Variants in AGXT observed in about 807,000 individuals in gnomAD.
The protein encoded by AGXT is L-alanine: glyoxylate aminotransferase 1.
In AGXT, 41 loss-of-function variants were observed where a neutral mutation model predicts 46.9. The ratio of observed to expected loss-of-function variants is 0.88; its 90% CI spans 0.68 to 1.14. The LOEUF is 1.14. Among genes scored for constraint, AGXT ranks in the 50% most tolerant of loss-of-function variants. The pLI is 0.00. For synonymous variants in AGXT, 244 were observed against 227.9 expected (o/e 1.07, Z -0.64); for missense variants, 525 against 522.7 (o/e 1.00, Z -0.04).
Position 240,871,929 on chromosome 2 carries a change from G to C in AGXT, c.524+480G>C, listed in dbSNP as rs577569967. On this transcript the variant is annotated intron_variant, in intron 4 of 10. Coordinates refer to ENST00000307503, the MANE Select transcript of AGXT (RefSeq NM_000030.3). ...ACCCAGCAGTCCCGTCTGCAGGTCT[G>C]AGCACAGGACAGAGGAGAGAAACTC... Among the ~76,000 whole-genome samples the C allele has an allele frequency of 2.6e-5, 4 of 152,362 alleles. No homozygotes were observed. The East Asian group carries it at 7.7e-4, about 29-fold the overall frequency.
chr2:240,874,172 T>A, intron 6 of AGXT, 110 bp downstream of exon 6: 1 of 1,077,994 alleles, frequency 9.3e-7, no homozygotes, highest in Non-Finnish European at 1.4e-6. Context: ...CCCATGCTCC[T>A]CCAGCACCTG....
chr2:240,869,204 T>A lies in AGXT; in HGVS notation c.200T>A (p.Val67Glu). 1 of 1,613,770 alleles carries A rather than the reference T, an allele frequency of 6.2e-7. No homozygotes were observed. The highest frequency in any genetic ancestry group is 1.1e-5 in the South Asian group (1 of 91,076). Residue 67 changes from valine to glutamate, a missense_variant, in exon 2 of 11, where the codon GTG becomes GAG. Coordinates refer to ENST00000307503, the MANE Select transcript of AGXT (RefSeq NM_000030.3). ...MDEIKEGIQY[V>E]FQTRNPLTLV... ...GAGATCAAGGAAGGCATCCAGTACG[T>A]GTTCCAGACCAGGAACCCACTCACA... is the stretch of plus-strand genomic sequence containing the variant.
rs180177165 is a variant in AGXT, at chr2:240,878,793, T to C, written c.1151T>C (p.Leu384Pro). The C allele has an allele frequency of 3.8e-6, 6 of 1,594,468 alleles. No homozygotes were observed. The highest frequency in any genetic ancestry group is 1.3e-5 in the African/African-American group (1 of 74,776). The change falls in exon 11 of 11, where the codon CTG becomes CCG. Residue 384 changes from leucine to proline, a missense_variant. By Grantham distance (98) the Leu-to-Pro change is moderately conservative (BLOSUM62 -3). Transcript: ENST00000307503. ...DRVTEALRAA[L>P]QHCPKKKL is the part of the protein sequence containing the mutation. ...GTGACGGAGGCCCTGAGGGCGGCCCTGCAGCACTGCCCCAAGAAGAAGCTG... is the reference window on the plus strand; with the variant it reads ...GTGACGGAGGCCCTGAGGGCGGCCCCGCAGCACTGCCCCAAGAAGAAGCTG...
rs180177160 is a variant in AGXT, at chr2:240,878,718, T to G, written c.1076T>G (p.Leu359Arg). 1 of 1,557,522 alleles carries G rather than the reference T, an allele frequency of 6.4e-7. No individual in the cohort carries two copies. The highest frequency in any genetic ancestry group is 8.7e-7 in the Non-Finnish European group (1 of 1,154,898). The part of the protein sequence containing the change: ...GGLGPSTGKV[L>R]RIGLLGCNAT... ...AGCCCGCCCTGTGCCCCCCAGGTGC[T>G]GCGGATCGGCCTGCTGGGCTGCAAT... The change falls in exon 11 of 11, where the codon CTG (leucine) becomes CGG (arginine). Residue 359 changes from leucine to arginine, a missense_variant. Leu to Arg is a moderately radical substitution (Grantham distance 102). Transcript: ENST00000307503.
chr2:240,878,960 A>G lies in AGXT; in HGVS notation c.*139A>G. On this transcript the variant is annotated 3_prime_UTR_variant, in exon 11 of 11. Transcript: ENST00000307503. Reference sequence around the variant, plus strand: ...CTGACCCAGCCCGGGAGGCAGAACCAGGCAGCCTCCCTGGCCCCAGGCAGC... The same window carrying G: ...CTGACCCAGCCCGGGAGGCAGAACCGGGCAGCCTCCCTGGCCCCAGGCAGC... 2.3e-6 allele frequency: 2 copies of G among 868,818 alleles called. No homozygotes were observed. Among genetic ancestry groups the G allele is most frequent in the Non-Finnish European group, 3.7e-6 (2 of 543,288 alleles). The allele number at this position is 868,818 out of a possible 1,614,324, so 53.8% of individuals were successfully genotyped here. A position where few individuals can be genotyped will look rare whatever the true frequency, so the allele number is the denominator to read the frequency against.
Position 240,878,701 on chromosome 2 carries a change from C to T in AGXT, c.1072-13C>T, listed in dbSNP as rs1336515392. The T allele has an allele frequency of 6.5e-7, 1 of 1,546,338 alleles. No homozygotes were observed. The highest frequency in any genetic ancestry group is 1.8e-4 in the Middle Eastern group (1 of 5,632). ...GGCGGGAGGCTGACGTCAGCCCGCC[C>T]TGTGCCCCCCAGGTGCTGCGGATCG... On this transcript the variant is annotated splice_polypyrimidine_tract_variant and intron_variant, in intron 10 of 10. Coordinates refer to ENST00000307503, the MANE Select transcript of AGXT (RefSeq NM_000030.3).
chr2:240,879,271 A>C lies in AGXT; in HGVS notation c.*450A>C. On this transcript the variant is annotated 3_prime_UTR_variant, in exon 11 of 11. Transcript: ENST00000307503. The stretch of plus-strand genomic sequence containing the variant: ...TGCTGTCACCACACTCTAGCCCCAG[A>C]TGTCACACCCCCAAACGTCCTCACG... The C allele has an allele frequency of 4.3e-6, 1 of 235,080 alleles. No individual in the cohort carries two copies. The highest frequency in any genetic ancestry group is 1.2e-4 in the East Asian group (1 of 8,170). 14.6% of individuals were successfully genotyped at this position (235,080 alleles called of 1,614,324 possible). A position where few individuals can be genotyped will look rare whatever the true frequency, so the allele number is the denominator to read the frequency against.
chr2:240,876,060 G>A (rs1277155898), intron 8 of AGXT, 56 bp downstream of exon 8: 7 of 1,575,192 alleles, frequency 4.4e-6, no homozygotes, highest in African/African-American at 1.4e-5. Context: ...ATTGTCGAGG[G>A]CGCGGCCTGC....
chr2:240,872,573 C>T (rs1377872030), intron 4 of AGXT, among the ~76,000 whole-genome samples: 2 of 152,068 alleles, frequency 1.3e-5, no homozygotes, highest in Non-Finnish European at 2.9e-5. Flanking sequence ...GTGGCTGGGC[C>T]GAGCAGCTGT....
Position 240,878,690 on chromosome 2 carries a change from G to A in AGXT, c.1072-24G>A, listed in dbSNP as rs368702621. On this transcript the variant is annotated intron_variant, in intron 10 of 10. Coordinates refer to ENST00000307503, the MANE Select transcript of AGXT (RefSeq NM_000030.3). ...GGCAGGTCCCAGGCGGGAGGCTGAC[G>A]TCAGCCCGCCCTGTGCCCCCCAGGT... The A allele has an allele frequency of 1.5e-4, 226 of 1,540,174 alleles. 1 individual carries two copies. Among genetic ancestry groups the A allele is most frequent in the Non-Finnish European group, 1.9e-4 (214 of 1,146,490 alleles).
At chr2:240,877,790 C>A (rs116920875) in intron 9 of AGXT, among the ~76,000 whole-genome samples, 158 bp downstream of exon 9, 1 of 152,188 alleles carries the variant, frequency 6.6e-6, no homozygotes, top group African/African-American at 2.4e-5. Flanking sequence ...GCAGGAGCCA[C>A]GAAGTCACAG....
rs1172393548 is a variant in AGXT at position 240,873,050 on chromosome 2, G to A, written c.595+1G>A. On this transcript the variant is annotated splice_donor_variant, in intron 5 of 10. Transcript: ENST00000307503. LOFTEE classifies it high-confidence loss of function. ...ACCCCCCTTTACATGGACCGGCAAG[G>A]TAAGGGTGGGCTCTGAGAGCCCTAC... 1.2e-6 allele frequency: 2 copies of A among 1,613,452 alleles called. No homozygotes were observed. The highest frequency in any genetic ancestry group is 2.2e-5 in the South Asian group (2 of 91,080).
intron 9 of AGXT, 46 bp from the exon 10 acceptor site, chr2:240,877,976 C>T (rs373831067): frequency 1.2e-6 from 2 of 1,603,618 alleles, no homozygotes; most frequent in Non-Finnish European, 1.7e-6. Context: ...CACAAAGGCC[C>T]GTACAGGGCC....
intron 9 of AGXT, 118 bp downstream of exon 9, chr2:240,877,750 G>T: frequency 8.4e-7 from 1 of 1,194,242 alleles, no homozygotes; most frequent in Non-Finnish European, 1.2e-6. Flanking sequence ...CTGCCCGGTG[G>T]TGTGGCCTCG....
rs753112777 is a variant in AGXT, at chr2:240,877,599, G to T, written c.909G>T (p.Gln303His). 1.4e-5 allele frequency: 22 copies of T among 1,550,828 alleles called. No individual in the cohort carries two copies. The highest frequency in any genetic ancestry group is 1.8e-5 in the Non-Finnish European group (21 of 1,147,006). ...CGGCGTATCTGCATGGGCGCCTGCA[G>T]GCACTGGGGCTGCAGCTCTTCGTGA... ...EAAAYLHGRL[Q>H]ALGLQLFVKD... Residue 303 changes from glutamine (Q) to histidine (H), a missense_variant, in exon 9 of 11, where the codon CAG (glutamine) becomes CAT (histidine). Gln to His is a conservative substitution (Grantham distance 24). Transcript: ENST00000307503.
chr2:240,871,922 C>T lies in AGXT; in HGVS notation c.524+473C>T, dbSNP rs150964095. On this transcript the variant is annotated intron_variant, in intron 4 of 10. Coordinates refer to ENST00000307503, the MANE Select transcript of AGXT (RefSeq NM_000030.3). ...CCTTGGGACCCAGCAGTCCCGTCTG[C>T]AGGTCTGAGCACAGGACAGAGGAGA... Among the ~76,000 whole-genome samples, 46 of 152,362 alleles carry T rather than the reference C, an allele frequency of 3.0e-4. 1 individual carries two copies. In the Middle Eastern group the frequency reaches 0.01, roughly 34 times the overall value.
chr2:240,878,302 C>T, intron 10 of AGXT, 152 bp downstream of exon 10: 1 of 1,172,312 alleles, frequency 8.5e-7, no homozygotes, highest in Non-Finnish European at 1.2e-6. Flanking sequence ...AAGGGGTATC[C>T]AGTAAAGCGT....
At chr2:240,877,313 C>T (rs188016434) in intron 8 of AGXT, 2 of 691,492 alleles carry the variant, frequency 2.9e-6, no homozygotes, top group East Asian at 5.5e-5. Context: ...GGCAGACCTC[C>T]CCTCTGTCTC....
At position 240,878,798 on chromosome 2, in the gene AGXT, C is replaced by A. The variant is rs1347677049; in HGVS notation, c.1156C>A (p.His386Asn). ...GGAGGCCCTGAGGGCGGCCCTGCAG[C>A]ACTGCCCCAAGAAGAAGCTGTGACC... Reference protein sequence around the residue: ...VTEALRAALQHCPKKKL With the variant: ...VTEALRAALQNCPKKKL The change falls in exon 11 of 11, where the codon CAC becomes AAC. Residue 386 changes from histidine (H) to asparagine (N), a missense_variant. By Grantham distance (68) the His-to-Asn change is moderately conservative (BLOSUM62 1). Coordinates refer to ENST00000307503, the MANE Select transcript of AGXT (RefSeq NM_000030.3). 6.3e-7 allele frequency: 1 copy of A among 1,594,330 alleles called. No individual in the cohort carries two copies. The highest frequency in any genetic ancestry group is 1.8e-5 in the Admixed American group (1 of 57,120).
Sources: gnomAD v4.1 joint callset for allele counts (sites outside exome capture counted in the v4.1 genomes callset) on GRCh38, gnomAD v4.1.1 for gene constraint, MANE v1.5 for transcripts, NCBI Gene and HGNC (gene_info 2026-07-23, HGNC 2026-07-21) for gene names.